The following EIF2A variants were observed in gnomAD, a reference collection of about 807,000 sequenced individuals.
EIF2A encodes eukaryotic translation initiation factor 2A.
EIF2A carries 62 observed loss-of-function variants against 75.2 expected under a neutral mutation model. The ratio of observed to expected loss-of-function variants is 0.82; its 90% CI spans 0.67 to 1.02. EIF2A has a LOEUF of 1.02. EIF2A is among the 50% of genes least tolerant of loss of function. The pLI, the probability that EIF2A is intolerant of heterozygous loss-of-function variation, is 0.00. For synonymous variants in EIF2A, 207 were observed against 239.0 expected, an observed-to-expected ratio of 0.87 and a Z score of 1.23; for missense variants, 611 against 677.7, an observed-to-expected ratio of 0.90 and a Z score of 1.09.
intron 2 of EIF2A, among the ~76,000 whole-genome samples, chr3:150,555,568 A>T (rs887101560): frequency 6.6e-6 from 1 of 150,658 alleles, no homozygotes; most frequent in Non-Finnish European, 1.5e-5. Flanking sequence ...ATGTATGCAC[A>T]TTAATGTTTG....
chr3:150,552,235 A>G (rs1723352043), intron 1 of EIF2A, 121 bp from the exon 2 acceptor site: 3 of 783,116 alleles, frequency 3.8e-6, no homozygotes, highest in Admixed American at 5.6e-5. Context: ...CTATAGTTCA[A>G]TGAAATATTT....
intron 4 of EIF2A, among the ~76,000 whole-genome samples, 178 bp from the exon 5 acceptor site, chr3:150,563,337 A>G (rs1196708377): frequency 6.6e-6 from 1 of 152,218 alleles, no homozygotes; most frequent in Admixed American, 6.5e-5. Context: ...TCAGTTGAGA[A>G]TCATGAGTGG....
intron 3 of EIF2A, among the ~76,000 whole-genome samples, chr3:150,561,459 T>TC (rs1171684683): frequency 2.0e-5 from 3 of 152,092 alleles, no homozygotes; most frequent in African/African-American, 7.2e-5. Context: ...GCGCCTGTAG[T>TC]CCCAGCTACT....
chr3:150,552,157 G>A (rs1025699300), intron 1 of EIF2A, among the ~76,000 whole-genome samples, 199 bp from the exon 2 acceptor site: 10 of 152,044 alleles, frequency 6.6e-5, no homozygotes, highest in Admixed American at 2.6e-4. Context: ...AAAAAGTTAC[G>A]TATTTCTCAG....
chr3:150,562,367 A>T (rs1030294072), intron 3 of EIF2A, among the ~76,000 whole-genome samples, 175 bp from the exon 4 acceptor site: 13 of 151,788 alleles, frequency 8.6e-5, no homozygotes, highest in Non-Finnish European at 1.2e-4. Context: ...GCTTGCAGTG[A>T]GCCGAGATTG....
intron 11 of EIF2A, among the ~76,000 whole-genome samples, chr3:150,576,131 A>G (rs569683656): frequency 7.2e-5 from 11 of 152,076 alleles, no homozygotes; most frequent in African/African-American, 1.4e-4. Context: ...TTAAAGTTTA[A>G]AGAATTGTGG....
intron 1 of EIF2A, among the ~76,000 whole-genome samples, chr3:150,552,150 A>G (rs1048996311): frequency 2.0e-5 from 3 of 152,214 alleles, no homozygotes; most frequent in African/African-American, 7.2e-5. Flanking sequence ...TTTATTTAAA[A>G]AGTTACGTAT....
rs756391719 is a variant in EIF2A at position 150,564,279 on chromosome 3, T to C, written c.393-20T>C. The C allele has an allele frequency of 9.9e-6, 15 of 1,521,334 alleles. No homozygotes were observed. The highest frequency in any genetic ancestry group is 1.4e-5 in the African/African-American group (1 of 70,964). 94.2% of individuals were successfully genotyped at this position (1,521,334 alleles called of 1,614,324 possible). ...CTGTCTGAATATTTTTTATACTTTTTTTTTTTTTCATTGACATAGGTGTCC... is the reference window on the plus strand; with the variant it reads ...CTGTCTGAATATTTTTTATACTTTTCTTTTTTTTCATTGACATAGGTGTCC... On this transcript the variant is annotated intron_variant, in intron 5 of 13. Coordinates refer to ENST00000460851, the MANE Select transcript of EIF2A (RefSeq NM_032025.5).
At chr3:150,549,364 G>A (rs547861125) in intron 1 of EIF2A, among the ~76,000 whole-genome samples, 6 of 151,950 alleles carry the variant, frequency 3.9e-5, no homozygotes, top group East Asian at 1.9e-4. Flanking sequence ...GATTACAGGC[G>A]TGCACCACCA....
chr3:150,569,133 C>T (rs1483551144), intron 9 of EIF2A, among the ~76,000 whole-genome samples: 1 of 152,020 alleles, frequency 6.6e-6, no homozygotes, highest in African/African-American at 2.4e-5. Context: ...TAATAACATT[C>T]TGAAATACCT....
chr3:150,571,404 T>A (rs1724508867), intron 9 of EIF2A, among the ~76,000 whole-genome samples: 1 of 152,124 alleles, frequency 6.6e-6, no homozygotes, highest in African/African-American at 2.4e-5. Flanking sequence ...CCTCCCAAAG[T>A]CCTGGGATTA....
At chr3:150,576,977 G>C (rs1308702158) in intron 11 of EIF2A, among the ~76,000 whole-genome samples, 1 of 152,132 alleles carries the variant, frequency 6.6e-6, no homozygotes, top group African/African-American at 2.4e-5. Context: ...TTGCAATTCA[G>C]GTAGAGTACA....
At chr3:150,561,019 CATA>C (rs895745123) in intron 3 of EIF2A, among the ~76,000 whole-genome samples, 4 of 151,976 alleles carry the variant, frequency 2.6e-5, no homozygotes, top group East Asian at 1.9e-4. Flanking sequence ...GTCATTGTAC[CATA>C]ATAATTCTTA....
At position 150,552,773 on chromosome 3, in the gene EIF2A, A is replaced by C. The variant is rs539460470; in HGVS notation, c.98+348A>C. 25 of 171,280 alleles carry C rather than the reference A, an allele frequency of 1.5e-4. No homozygotes were observed. The South Asian group carries it at 3.8e-3, about 26-fold the overall frequency. 10.6% of individuals were successfully genotyped at this position (171,280 alleles called of 1,614,324 possible). ...CAAATCATGGCCAGTAATCTTAGTGAAATCATAATGAAAAAGATATTAAAA... is the reference window on the plus strand; with the variant it reads ...CAAATCATGGCCAGTAATCTTAGTGCAATCATAATGAAAAAGATATTAAAA... On this transcript the variant is annotated intron_variant, in intron 2 of 13. Coordinates refer to ENST00000460851, the MANE Select transcript of EIF2A (RefSeq NM_032025.5).
intron 6 of EIF2A, 21 bp downstream of exon 6, chr3:150,564,402 T>A: frequency 6.5e-7 from 1 of 1,549,622 alleles, no homozygotes; most frequent in Non-Finnish European, 8.7e-7. Context: ...ATTTATGACA[T>A]AATTTTATTA....
chr3:150,573,482 C>A (rs1724664838), intron 10 of EIF2A, among the ~76,000 whole-genome samples: 1 of 152,158 alleles, frequency 6.6e-6, no homozygotes, highest in African/African-American at 2.4e-5. Context: ...GAACTCCCGA[C>A]CTTAGGTGAT....
At chr3:150,577,139 T>A (rs1210916456) in intron 11 of EIF2A, among the ~76,000 whole-genome samples, 2 of 152,174 alleles carry the variant, frequency 1.3e-5, no homozygotes, top group East Asian at 3.9e-4. Flanking sequence ...TGTCCTCCCA[T>A]GGTGGAAGGG....
In EIF2A at chr3:150,568,026, C is replaced by T; in HGVS notation, c.674C>T (p.Thr225Ile). Residue 225 changes from threonine to isoleucine, a missense_variant, in exon 8 of 14, where the codon ACA becomes ATA. Coordinates refer to ENST00000460851, the MANE Select transcript of EIF2A (RefSeq NM_032025.5). ...AGTTTCTTTAAGGCAGATAAAGTTA[C>T]AATGCTGTGGAATAAAAAAGGTATG... ...NKSFFKADKV[T>I]MLWNKKATAV... The T allele has an allele frequency of 6.2e-7, 1 of 1,608,740 alleles. No individual in the cohort carries two copies. Among genetic ancestry groups the T allele is most frequent in the African/African-American group, 1.3e-5 (1 of 74,702 alleles).
At chr3:150,559,379 A>C (rs1427697428) in intron 3 of EIF2A, among the ~76,000 whole-genome samples, 1 of 151,860 alleles carries the variant, frequency 6.6e-6, no homozygotes, top group Non-Finnish European at 1.5e-5. Context: ...TTCAATTTTA[A>C]TAGAGACAGG....
Sources: gnomAD v4.1 joint callset for allele counts (sites outside exome capture counted in the v4.1 genomes callset) on GRCh38, gnomAD v4.1.1 for gene constraint, MANE v1.5 for transcripts, NCBI Gene and HGNC (gene_info 2026-07-23, HGNC 2026-07-21) for gene names.